Variants in MAP3K4 observed in about 807,000 individuals in gnomAD.
MAP3K4 encodes the protein MAP three kinase 1.
A neutral mutation model predicts 185.6 loss-of-function variants in MAP3K4; 67 were observed. That is an observed-to-expected ratio of 0.36 (90% confidence interval 0.30 to 0.44). The LOEUF (loss-of-function observed/expected upper bound fraction) is 0.44. MAP3K4 is among the 20% of genes least tolerant of loss of function. The probability of loss-of-function intolerance (pLI) is 1.00; values close to 1 mark genes in which losing one functional copy is unlikely to be tolerated. For missense variants in MAP3K4, 1,551 were observed against 1,995.1 expected (o/e 0.78, Z 4.24); for synonymous variants, 702 against 710.4 (o/e 0.99, Z 0.19).
At chr6:160,999,052 A>G (rs1781146401) in intron 1 of MAP3K4, among the ~76,000 whole-genome samples, 1 of 152,244 alleles carries the variant, frequency 6.6e-6, no homozygotes, top group African/African-American at 2.4e-5. Context: ...TTAAGAATAT[A>G]TTAGGCAGTC....
intron 13 of MAP3K4, 23 bp from the exon 14 acceptor site, chr6:161,092,955 T>A: frequency 6.7e-7 from 1 of 1,489,922 alleles, no homozygotes; most frequent in Non-Finnish European, 9.4e-7. Flanking sequence ...GTTATGTGAT[T>A]ACTGAACTTT....
rs1785124804 is a variant in MAP3K4 at position 161,075,387 on chromosome 6, G to A, written c.2097+1775G>A. ...TGCCCAGGCTGGTCTTGAACTCCTG[G>A]GCTCAGTGATCCTCCCGCCTTGGCC... On this transcript the variant is annotated intron_variant, in intron 5 of 26. Transcript: ENST00000392142. The surrounding 1 kb of genome is among the most constrained non-coding windows in gnomAD (Gnocchi z 4.3). 6.6e-6 allele frequency among the ~76,000 whole-genome samples: 1 copy of A among 152,024 alleles called. No homozygotes were observed. The highest frequency in any genetic ancestry group is 2.4e-5 in the African/African-American group (1 of 41,390).
chr6:161,001,202 C>A (rs1360659817), intron 1 of MAP3K4, among the ~76,000 whole-genome samples: 2 of 149,008 alleles, frequency 1.3e-5, no homozygotes, highest in Admixed American at 6.7e-5. Context: ...AATCCAAATA[C>A]TGAAAAATTT....
At chr6:161,068,106 C>T (rs141249687) in intron 3 of MAP3K4, among the ~76,000 whole-genome samples, 85 of 152,206 alleles carry the variant, frequency 5.6e-4, no homozygotes, top group African/African-American at 2.0e-3. Context: ...GTGGCAAGTA[C>T]CGAGCTAAGT....
Position 161,067,802 on chromosome 6 carries a change from C to T in MAP3K4, c.1708-2806C>T, listed in dbSNP as rs982871750. ...TTATACTAAGAAGAAGGCATATCCT[C>T]GTTTCTGTCATTAAGTGTATCTCAG... On this transcript the variant is annotated intron_variant, in intron 3 of 26. Transcript: ENST00000392142. This position sits in a 1 kb window ranked among gnomAD's most constrained non-coding sequence, Gnocchi z 6.3. Among the ~76,000 whole-genome samples the T allele has an allele frequency of 1.1e-4, 17 of 152,184 alleles. No individual in the cohort carries two copies. The highest frequency in any genetic ancestry group is 5.2e-4 in the Admixed American group (8 of 15,282).
chr6:161,079,103 A>G (rs1478306806), intron 5 of MAP3K4, among the ~76,000 whole-genome samples: 1 of 150,986 alleles, frequency 6.6e-6, no homozygotes, highest in African/African-American at 2.4e-5. Flanking sequence ...AGTCCCAGCT[A>G]CTTAGGAGGC....
At position 161,116,791 on chromosome 6, in the gene MAP3K4, G is replaced by C; in HGVS notation, c.4807-59G>C. On this transcript the variant is annotated intron_variant, in intron 26 of 26. Coordinates refer to ENST00000392142, the MANE Select transcript of MAP3K4 (RefSeq NM_005922.4). The surrounding 1 kb of genome is among the most constrained non-coding windows in gnomAD (Gnocchi z 6.2). ...CTTCCCCGTAAGACTCATACTGCGC[G>C]TATGCACAAGCACACACCTGGCTCT... 1 of 1,532,346 alleles carries C rather than the reference G, an allele frequency of 6.5e-7. No homozygotes were observed. The highest frequency in any genetic ancestry group is 2.2e-5 in the East Asian group (1 of 44,498). The allele number at this position is 1,532,346 out of a possible 1,614,324, so 94.9% of individuals were successfully genotyped here.
At position 161,084,066 on chromosome 6, in the gene MAP3K4, A is replaced by T. The variant is rs1044788669; in HGVS notation, c.2256-435A>T. Among the ~76,000 whole-genome samples, 7 of 152,250 alleles carry T rather than the reference A, an allele frequency of 4.6e-5. No individual in the cohort carries two copies. The highest frequency in any genetic ancestry group is 2.6e-4 in the Admixed American group (4 of 15,286). On this transcript the variant is annotated intron_variant, in intron 6 of 26. Coordinates refer to ENST00000392142, the MANE Select transcript of MAP3K4 (RefSeq NM_005922.4). This position sits in a 1 kb window ranked among gnomAD's most constrained non-coding sequence, Gnocchi z 4.6. The stretch of plus-strand genomic sequence containing the variant: ...TAGAATTGTGTACTCAATGAGAAGG[A>T]TCAGCCAGATAGAGTGTTTCATGTT...
intron 1 of MAP3K4, among the ~76,000 whole-genome samples, chr6:160,994,964 G>T (rs1377574893): frequency 6.6e-6 from 1 of 152,196 alleles, no homozygotes; most frequent in Admixed American, 6.5e-5. Flanking sequence ...CTCCCAAAGT[G>T]TTGGGATTAC....
rs148892585 is a variant in MAP3K4, at chr6:161,007,081, A to G, written c.152+14998A>G. Among the ~76,000 whole-genome samples the G allele has an allele frequency of 6.6e-6, 1 of 152,216 alleles. No individual in the cohort carries two copies. The highest frequency in any genetic ancestry group is 2.4e-5 in the African/African-American group (1 of 41,466). On this transcript the variant is annotated intron_variant, in intron 1 of 26. Transcript: ENST00000392142. This position sits in a 1 kb window ranked among gnomAD's most constrained non-coding sequence, Gnocchi z 4.5. Reference sequence around the variant, plus strand: ...TTCCTTACTGTGCTGCAGATGAGCAAGGTCCAAAGCGCAGGACCAGGAATT... The same window carrying G: ...TTCCTTACTGTGCTGCAGATGAGCAGGGTCCAAAGCGCAGGACCAGGAATT...
intron 2 of MAP3K4, among the ~76,000 whole-genome samples, chr6:161,041,173 G>C (rs180755720): frequency 5.3e-5 from 8 of 152,232 alleles, no homozygotes; most frequent in Non-Finnish European, 8.8e-5. Flanking sequence ...AGGAGGACCA[G>C]CCCTACCTCC....
In MAP3K4 at chr6:161,110,966, C is replaced by T. The variant is rs1404038690; in HGVS notation, c.4397-870C>T. ...TTTGTTCCGTGGCAGGAAGAGACTC[C>T]CTTAGAATCTGAAGCAGGTCAGCTC... On this transcript the variant is annotated intron_variant, in intron 23 of 26. Coordinates refer to ENST00000392142, the MANE Select transcript of MAP3K4 (RefSeq NM_005922.4). The surrounding 1 kb of genome is among the most constrained non-coding windows in gnomAD (Gnocchi z 4.8). Among the ~76,000 whole-genome samples the T allele has an allele frequency of 2.6e-5, 4 of 152,190 alleles. No individual in the cohort carries two copies. Among genetic ancestry groups the T allele is most frequent in the Non-Finnish European group, 5.9e-5 (4 of 68,028 alleles).
At position 161,008,198 on chromosome 6, in the gene MAP3K4, TG is replaced by T. The variant is rs1294355009; in HGVS notation, c.152+16118del. Among the ~76,000 whole-genome samples, 1 of 152,188 alleles carries T rather than the reference TG, an allele frequency of 6.6e-6. No individual in the cohort carries two copies. The highest frequency in any genetic ancestry group is 1.5e-5 in the Non-Finnish European group (1 of 68,016). ...GTAGCAATTGCATACTCATTTTCAC[TG>T]GGTGTTTTCTGATATTTCTCTTCTA... On this transcript the variant is annotated intron_variant, in intron 1 of 26. Transcript: ENST00000392142. This position sits in a 1 kb window ranked among gnomAD's most constrained non-coding sequence, Gnocchi z 4.1.
At chr6:161,027,099 C>T (rs1295294436) in intron 1 of MAP3K4, among the ~76,000 whole-genome samples, 2 of 152,228 alleles carry the variant, frequency 1.3e-5, no homozygotes, top group East Asian at 1.9e-4. Context: ...CATCCACTTA[C>T]CTACTTTTCC....
intron 1 of MAP3K4, among the ~76,000 whole-genome samples, chr6:161,014,058 G>A (rs569334872): frequency 6.6e-6 from 1 of 152,316 alleles, no homozygotes; most frequent in East Asian, 1.9e-4. Flanking sequence ...TATGTATTTT[G>A]TATATCACAT....
chr6:161,012,499 A>T lies in MAP3K4; in HGVS notation c.152+20416A>T, dbSNP rs1583106353. Reference sequence around the variant, plus strand: ...ATTCATGGTCTGGTGCAGAACTGTAATAAATTTACATCTATAATCTACCTA... The same window carrying T: ...ATTCATGGTCTGGTGCAGAACTGTATTAAATTTACATCTATAATCTACCTA... On this transcript the variant is annotated intron_variant, in intron 1 of 26. Transcript: ENST00000392142. 2.0e-5 allele frequency among the ~76,000 whole-genome samples: 3 copies of T among 152,218 alleles called. No homozygotes were observed. The South Asian group carries it at 6.2e-4, about 32-fold the overall frequency.
chr6:161,073,606 G>A lies in MAP3K4; in HGVS notation c.2091G>A (p.Met697Ile), dbSNP rs753465131. 50 of 1,611,838 alleles carry A rather than the reference G, an allele frequency of 3.1e-5. No individual in the cohort carries two copies. The highest frequency in any genetic ancestry group is 4.0e-5 in the Non-Finnish European group (47 of 1,179,320). ...CTTTTGAAGAGGATCTACATAAAAT[G>A]CTTATGGTCAGAAGCAGTGGGGAGG... ...IDAFEEDLHK[M>I]LMVYFDYMRS... Residue 697 changes from methionine (M) to isoleucine (I), a missense_variant, in exon 5 of 27, where the codon ATG becomes ATA. Met to Ile is a conservative substitution (Grantham distance 10, BLOSUM62 1). Around this residue, in one of 16 missense-constraint regions of MAP3K4, gnomAD observed 130 missense variants for 171.3 expected, o/e 0.76. Coordinates refer to ENST00000392142, the MANE Select transcript of MAP3K4 (RefSeq NM_005922.4). This position sits in a 1 kb window ranked among gnomAD's most constrained non-coding sequence, Gnocchi z 4.2.
chr6:161,027,059 T>C (rs1782708608), intron 1 of MAP3K4, among the ~76,000 whole-genome samples: 1 of 152,204 alleles, frequency 6.6e-6, no homozygotes, highest in Non-Finnish European at 1.5e-5. Context: ...CAGAAGACTT[T>C]ATACCAGAAG....
chr6:161,049,288 C>T lies in MAP3K4; in HGVS notation c.1016C>T (p.Thr339Ile), dbSNP rs1168290503. The T allele has an allele frequency of 3.7e-6, 6 of 1,614,016 alleles. No homozygotes were observed. In the Admixed American group the frequency reaches 6.7e-5, roughly 18 times the overall value. Residue 339 changes from threonine to isoleucine, a missense_variant, in exon 3 of 27, where the codon ACA becomes ATA. Transcript: ENST00000392142. This position sits in a 1 kb window ranked among gnomAD's most constrained non-coding sequence, Gnocchi z 8.4. Reference protein sequence around the residue: ...TPGTKIVGYSTHHEHLQRQRV... With the variant: ...TPGTKIVGYSIHHEHLQRQRV... ...GGAACAAAGATTGTAGGTTACTCAACACATCATGAGCATCTCCAACGCCAG... is the reference window on the plus strand; with the variant it reads ...GGAACAAAGATTGTAGGTTACTCAATACATCATGAGCATCTCCAACGCCAG...
Sources: gnomAD v4.1 joint callset for allele counts (sites outside exome capture counted in the v4.1 genomes callset) on GRCh38, gnomAD v4.1.1 for gene constraint, gnomAD v4.1.1 regional missense constraint, Gnocchi (gnomAD v3.1) non-coding constraint, MANE v1.5 for transcripts, NCBI Gene and HGNC (gene_info 2026-07-23, HGNC 2026-07-21) for gene names.